The following SASH1 variants were observed in gnomAD, a reference collection of about 807,000 sequenced individuals.
The protein encoded by SASH1 is SAM and SH3 domain containing 1.
SASH1 carries 44 observed loss-of-function variants against 125.2 expected under a neutral mutation model. The ratio of observed to expected loss-of-function variants is 0.35; its 90% confidence interval spans 0.28 to 0.45. SASH1 has a LOEUF of 0.45. Among genes scored for constraint, SASH1 ranks in the 20% least tolerant of loss-of-function variants. The probability of loss-of-function intolerance (pLI) is 1.00; values close to 1 mark genes in which losing one functional copy is unlikely to be tolerated. For missense variants in SASH1, 1,426 were observed against 1,614.5 expected (o/e 0.88, Z 2.00); for synonymous variants, 639 against 649.1 (o/e 0.98, Z 0.24).
intron 2 of SASH1, among the ~76,000 whole-genome samples, chr6:148,402,842 C>T (rs1201524043): frequency 1.3e-5 from 2 of 151,854 alleles, no homozygotes; most frequent in African/African-American, 4.8e-5. Flanking sequence ...ATCTCCTGAC[C>T]TCGTGATCTG....
At chr6:148,257,982 A>C in the SASH1 span, among the ~76,000 whole-genome samples, 1 of 152,130 alleles carries the variant, frequency 6.6e-6, no homozygotes, top group Non-Finnish European at 1.5e-5. Context: ...GAAGATGGGA[A>C]TTGTTACTTT....
intron 1 of SASH1, among the ~76,000 whole-genome samples, chr6:148,281,602 G>T (rs1024199872): frequency 1.3e-5 from 2 of 152,042 alleles, no homozygotes; most frequent in African/African-American, 4.8e-5. Context: ...AATGGACAGG[G>T]ACATAGAGAA....
At chr6:148,239,213 C>G in the SASH1 span, among the ~76,000 whole-genome samples, 1 of 152,134 alleles carries the variant, frequency 6.6e-6, no homozygotes, top group Non-Finnish European at 1.5e-5. Context: ...GTTGTTTGTT[C>G]TGTAGGGACT....
intron 6 of SASH1, among the ~76,000 whole-genome samples, chr6:148,473,021 C>T (rs1398372392): frequency 6.6e-6 from 1 of 152,158 alleles, no homozygotes; most frequent in Non-Finnish European, 1.5e-5. Flanking sequence ...CTCAGATATA[C>T]CAGAGGCAAT....
intron 8 of SASH1, among the ~76,000 whole-genome samples, chr6:148,490,636 A>G (rs28648968): frequency 0.068 from 10,365 of 152,110 alleles, 891 homozygotes; most frequent in East Asian, 0.45. Context: ...TTTGGAAACT[A>G]CCCCATCTCC....
At chr6:148,256,019 G>A in the SASH1 span, among the ~76,000 whole-genome samples, 3 of 152,196 alleles carry the variant, frequency 2.0e-5, no homozygotes, top group Non-Finnish European at 2.9e-5. Flanking sequence ...TGCTTCTTTT[G>A]TCCCTTTCGT....
intron 1 of SASH1, among the ~76,000 whole-genome samples, chr6:148,369,455 T>C (rs1393213957): frequency 1.3e-5 from 2 of 152,232 alleles, no homozygotes; most frequent in African/African-American, 4.8e-5. Flanking sequence ...TTGTTAATGA[T>C]AAGAGTAATC....
intron 4 of SASH1, among the ~76,000 whole-genome samples, chr6:148,442,082 C>T (rs1583165707): frequency 6.6e-6 from 1 of 152,206 alleles, no homozygotes; most frequent in African/African-American, 2.4e-5. Context: ...AACTTAAAAA[C>T]ACTTTCTTTT....
At chr6:148,203,013 A>G in the SASH1 span, among the ~76,000 whole-genome samples, 2 of 152,220 alleles carry the variant, frequency 1.3e-5, no homozygotes, top group African/African-American at 4.8e-5. Flanking sequence ...AATGACAGCA[A>G]GAAGTAACAA....
chr6:148,533,382 G>A lies in SASH1; in HGVS notation c.1735-389G>A, dbSNP rs565032179. On this transcript the variant is annotated intron_variant, in intron 14 of 19. Transcript: ENST00000367467. The surrounding 1 kb of genome is among the most constrained non-coding windows in gnomAD (Gnocchi z 6.2). ...AAGTGTGTGCAGCCATGACAGGGCC[G>A]GGATTGCCACTGGTTAGGACAGGTG... 1.2e-4 allele frequency among the ~76,000 whole-genome samples: 18 copies of A among 152,302 alleles called. No homozygotes were observed. The East Asian group carries it at 1.4e-3, about 11-fold the overall frequency.
the SASH1 span, among the ~76,000 whole-genome samples, chr6:148,211,704 C>G: frequency 6.6e-6 from 1 of 152,148 alleles, no homozygotes; most frequent in Non-Finnish European, 1.5e-5. Context: ...CAGTATGTGA[C>G]AGAGCTAGAA....
At chr6:148,422,190 A>G (rs1039340000) in intron 2 of SASH1, among the ~76,000 whole-genome samples, 20 of 152,184 alleles carry the variant, frequency 1.3e-4, no homozygotes, top group African/African-American at 4.8e-4. Context: ...TTTTGCAGAC[A>G]GGGCTGCTTT....
chr6:148,271,851 A>T (rs1582901508), upstream of SASH1, among the ~76,000 whole-genome samples: 4 of 152,142 alleles, frequency 2.6e-5, 1 homozygote, highest in South Asian at 8.3e-4. Flanking sequence ...AGCCAAGAAA[A>T]CTCTGAACCA....
intron 6 of SASH1, 77 bp from the exon 7 acceptor site, chr6:148,474,033 C>CAG (rs1583217292): frequency 1.1e-6 from 1 of 884,728 alleles, no homozygotes; most frequent in Non-Finnish European, 1.9e-6. Context: ...TAGCCCGAGA[C>CAG]AGCAGATGTT....
At chr6:148,325,356 A>C (rs893627043) in intron 1 of SASH1, among the ~76,000 whole-genome samples, 1 of 151,972 alleles carries the variant, frequency 6.6e-6, no homozygotes, top group African/African-American at 2.4e-5. Flanking sequence ...GGCTCACTGC[A>C]ACCTCTGCCT....
rs117601378 is a variant in SASH1, at chr6:148,477,501, A to G, written c.627+3279A>G. ...GGTCATCAGAGACATGCAAATCAAA[A>G]CTACAGTAAGATATCATCTCACCCC... On this transcript the variant is annotated intron_variant, in intron 7 of 19. Transcript: ENST00000367467. Among the ~76,000 whole-genome samples, 231 of 152,130 alleles carry G rather than the reference A, an allele frequency of 1.5e-3. 4 individuals carry two copies. The East Asian group carries it at 0.031, about 21-fold the overall frequency.
Position 148,343,039 on chromosome 6 carries a change from G to C in SASH1, c.-29G>C. On this transcript the variant is annotated 5_prime_UTR_variant, in exon 1 of 20. Transcript: ENST00000367467. ...GGGGCGAGGGCGCCGCGGGGACTGG[G>C]ACGCACGGCCCGCGCGCGGGACACG... 1.6e-6 allele frequency: 2 copies of C among 1,242,184 alleles called. No individual in the cohort carries two copies. Among genetic ancestry groups the C allele is most frequent in the Non-Finnish European group, 1.0e-6 (1 of 994,516 alleles). The allele number at this position is 1,242,184 out of a possible 1,614,324, so 76.9% of individuals were successfully genotyped here.
At chr6:148,229,456 T>G in the SASH1 span, among the ~76,000 whole-genome samples, 3 of 152,036 alleles carry the variant, frequency 2.0e-5, no homozygotes, top group Non-Finnish European at 2.9e-5. Context: ...GTGTAACAAT[T>G]GATAAAAATG....
At chr6:148,531,501 T>G (rs1781512863) in intron 12 of SASH1, 25 bp from the exon 13 acceptor site, 1 of 1,462,694 alleles carries the variant, frequency 6.8e-7, no homozygotes. Flanking sequence ...GATGAACTTC[T>G]TCATTTTGTT....
Sources: allele counts gnomAD v4.1 joint callset (sites outside exome capture counted in the v4.1 genomes callset), GRCh38; gene constraint gnomAD v4.1.1; non-coding constraint Gnocchi (gnomAD v3.1); transcripts MANE v1.5; gene names NCBI Gene and HGNC (gene_info 2026-07-23, HGNC 2026-07-21).